The following CCDC7 variants were observed in gnomAD, a reference collection of about 807,000 sequenced individuals.
CCDC7 encodes the protein coiled-coil domain containing 7.
CCDC7 carries 183 observed loss-of-function variants against 196.9 expected under a neutral mutation model. The ratio of observed to expected loss-of-function variants is 0.93; its 90% confidence interval spans 0.82 to 1.05. CCDC7 has a LOEUF of 1.05. Among genes scored for constraint, CCDC7 ranks in the 50% least tolerant of loss-of-function variants. The probability of loss-of-function intolerance (pLI) is 0.00; values close to 1 mark genes in which losing one functional copy is unlikely to be tolerated. For missense variants in CCDC7, 1,540 were observed against 1,482.2 expected (o/e 1.04, Z -0.64); for synonymous variants, 525 against 484.6 (o/e 1.08, Z -1.10).
intron 28 of CCDC7, among the ~76,000 whole-genome samples, chr10:32,750,411 T>G (rs906097565): frequency 3.3e-5 from 5 of 151,992 alleles, no homozygotes; most frequent in African/African-American, 1.2e-4. Flanking sequence ...GCAGAAAAAG[T>G]GGGATAATGT....
chr10:32,678,417 G>T (rs2075356840), intron 21 of CCDC7, among the ~76,000 whole-genome samples: 2 of 152,118 alleles, frequency 1.3e-5, no homozygotes, highest in African/African-American at 4.8e-5. Context: ...AGTTTGTGTG[G>T]GTCCATTAGC....
At chr10:32,554,025 C>T (rs1003395895) in intron 13 of CCDC7, among the ~76,000 whole-genome samples, 4 of 152,104 alleles carry the variant, frequency 2.6e-5, no homozygotes, top group Admixed American at 6.5e-5. Flanking sequence ...GTGAGATTCC[C>T]AGGTCACTGG....
chr10:32,548,835 C>T (rs544790235), intron 13 of CCDC7, among the ~76,000 whole-genome samples: 4 of 152,170 alleles, frequency 2.6e-5, no homozygotes, highest in African/African-American at 4.8e-5. Flanking sequence ...GGGTTGGTTC[C>T]ATGATTTTGC....
At chr10:32,705,032 T>C (rs2079465271) in intron 24 of CCDC7, among the ~76,000 whole-genome samples, 1 of 152,110 alleles carries the variant, frequency 6.6e-6, no homozygotes, top group Admixed American at 6.5e-5. Context: ...GCACCCACTG[T>C]CCGACAATGC....
chr10:32,530,645 A>T (rs1159803056), intron 11 of CCDC7, among the ~76,000 whole-genome samples: 1 of 151,656 alleles, frequency 6.6e-6, no homozygotes, highest in Non-Finnish European at 1.5e-5. Flanking sequence ...ATCAGTTCTA[A>T]CAGTTTTCTT....
chr10:32,640,999 A>G (rs976169064), intron 20 of CCDC7, among the ~76,000 whole-genome samples: 2 of 150,378 alleles, frequency 1.3e-5, no homozygotes, highest in Admixed American at 6.7e-5. Context: ...AGCATTAGGT[A>G]TGGATTTTCT....
intron 11 of CCDC7, among the ~76,000 whole-genome samples, chr10:32,541,143 G>T (rs1403445783): frequency 1.3e-5 from 2 of 151,650 alleles, no homozygotes; most frequent in East Asian, 3.9e-4. Context: ...CCTGCCTTCT[G>T]GGTGTTTCCA....
rs886926305 is a variant in CCDC7 at position 32,692,690 on chromosome 10, A to C, written c.2345-2189A>C. On this transcript the variant is annotated intron_variant, in intron 23 of 41. Transcript: ENST00000639629. ...TTTTGAGTTGGTCTATTAAGATAAC[A>C]TGCCAAACTCAAAGTAACAATTAAC... is the stretch of plus-strand genomic sequence containing the variant. 2.6e-5 allele frequency among the ~76,000 whole-genome samples: 4 copies of C among 152,346 alleles called. No homozygotes were observed. In the South Asian group the frequency reaches 8.3e-4, roughly 32 times the overall value.
At chr10:32,577,608 A>C (rs961504672) in intron 16 of CCDC7, among the ~76,000 whole-genome samples, 1 of 152,032 alleles carries the variant, frequency 6.6e-6, no homozygotes, top group Non-Finnish European at 1.5e-5. Context: ...ATGACCTTTG[A>C]GAGAGGCTTT....
At chr10:32,686,372 G>T (rs2076467402) in intron 22 of CCDC7, among the ~76,000 whole-genome samples, 1 of 152,204 alleles carries the variant, frequency 6.6e-6, no homozygotes, top group Non-Finnish European at 1.5e-5. Context: ...ACTCTAGGAA[G>T]TTACAGGTCC....
At chr10:32,765,085 T>C (rs2078058290) in intron 28 of CCDC7, among the ~76,000 whole-genome samples, 1 of 151,964 alleles carries the variant, frequency 6.6e-6, no homozygotes, top group Non-Finnish European at 1.5e-5. Context: ...AGTCATGGCC[T>C]CTCAATCAAT....
intron 31 of CCDC7, among the ~76,000 whole-genome samples, chr10:32,817,618 A>T (rs1225696135): frequency 6.6e-6 from 1 of 151,760 alleles, no homozygotes. Flanking sequence ...AGGGAAGCCC[A>T]TCAGACTAAC....
chr10:32,842,105 T>A (rs2093013198), intron 33 of CCDC7, among the ~76,000 whole-genome samples: 1 of 151,956 alleles, frequency 6.6e-6, no homozygotes, highest in Admixed American at 6.6e-5. Flanking sequence ...TAGATGGGAC[T>A]TAATTAAATT....
At chr10:32,627,617 A>T (rs552988757) in intron 18 of CCDC7, among the ~76,000 whole-genome samples, 1 of 151,826 alleles carries the variant, frequency 6.6e-6, no homozygotes, top group Admixed American at 6.6e-5. Context: ...TTCAATTTTT[A>T]ACTATTGATT....
At chr10:32,693,710 C>G (rs1361125710) in intron 23 of CCDC7, among the ~76,000 whole-genome samples, 1 of 152,154 alleles carries the variant, frequency 6.6e-6, no homozygotes, top group African/African-American at 2.4e-5. Context: ...AGCACATTCT[C>G]CCTGTGTCTG....
Position 32,847,917 on chromosome 10 carries a change from GTAAGAA to G in CCDC7, c.3772+5_3772+10del. On this transcript the variant is annotated splice_donor_variant and splice_donor_5th_base_variant and intron_variant, in intron 38 of 41. Coordinates refer to ENST00000639629, the Ensembl canonical transcript of CCDC7. LOFTEE classifies it high-confidence loss of function. ...AAGACACAACTAAGGACTCACTATG[GTAAGAA>G]TAATAATTTTAAGTCTAATATTTAC... 1 of 1,566,870 alleles carries G rather than the reference GTAAGAA, an allele frequency of 6.4e-7. No homozygotes were observed. The highest frequency in any genetic ancestry group is 1.1e-5 in the South Asian group (1 of 87,468).
At chr10:32,648,507 C>T (rs978133386) in intron 20 of CCDC7, among the ~76,000 whole-genome samples, 1 of 151,962 alleles carries the variant, frequency 6.6e-6, no homozygotes, top group Non-Finnish European at 1.5e-5. Flanking sequence ...GATTTATATT[C>T]CTTTGGCATA....
chr10:32,769,455 T>C (rs2078829117), intron 28 of CCDC7, among the ~76,000 whole-genome samples: 1 of 151,800 alleles, frequency 6.6e-6, no homozygotes, highest in Non-Finnish European at 1.5e-5. Context: ...AGTTTTCATT[T>C]GGTTGATCCA....
At chr10:32,869,095 T>G (rs377631256) in intron 41 of CCDC7, among the ~76,000 whole-genome samples, 56 of 152,188 alleles carry the variant, frequency 3.7e-4, no homozygotes, top group East Asian at 1.2e-3. Context: ...GTAATGGGAT[T>G]GCTGGGTCAA....
Sources: gnomAD v4.1 joint callset for allele counts (sites outside exome capture counted in the v4.1 genomes callset) on GRCh38, gnomAD v4.1.1 for gene constraint, MANE v1.5 for transcripts, NCBI Gene and HGNC (gene_info 2026-07-23, HGNC 2026-07-21) for gene names.